ABCC4: variants seen among roughly 807,000 people sequenced by gnomAD.
ABCC4 encodes ATP binding cassette subfamily C member 4 (PEL blood group).
ABCC4 carries 102 observed loss-of-function variants against 168.5 expected under a neutral mutation model. The observed-to-expected ratio is 0.61, with a 90% CI of 0.52 to 0.71. ABCC4 has a LOEUF of 0.71. Ranked by LOEUF, ABCC4 falls within the 30% of genes least tolerant of loss-of-function variation. The pLI is 0.00. For synonymous variants in ABCC4, 617 were observed against 590.7 expected (o/e 1.04, Z -0.65); for missense variants, 1,402 against 1,605.8 (o/e 0.87, Z 2.17).
intron 4 of ABCC4, among the ~76,000 whole-genome samples, chr13:95,224,397 G>A (rs542681612): frequency 9.7e-4 from 148 of 152,156 alleles, no homozygotes; most frequent in African/African-American, 3.2e-3. Flanking sequence ...AATTTGTTCA[G>A]ATTAAAGAAC....
chr13:95,207,702 T>C, intron 7 of ABCC4, 98 bp downstream of exon 7: 4 of 1,332,478 alleles, frequency 3.0e-6, no homozygotes, highest in Non-Finnish European at 4.1e-6. Context: ...GTACTGAACT[T>C]CCCATAATGT....
At chr13:95,234,922 G>C in intron 3 of ABCC4, 88 bp from the exon 4 acceptor site, 3 of 966,974 alleles carry the variant, frequency 3.1e-6, no homozygotes, top group Non-Finnish European at 4.5e-6. Context: ...GATATTGCTT[G>C]CTCTGTCACC....
chr13:95,156,988 A>G (rs2036882253), intron 19 of ABCC4, among the ~76,000 whole-genome samples: 1 of 151,882 alleles, frequency 6.6e-6, no homozygotes, highest in South Asian at 2.1e-4. Context: ...GCTACTCGGG[A>G]GGCTGAGGCA....
chr13:95,237,161 C>A (rs911809253), intron 3 of ABCC4, among the ~76,000 whole-genome samples: 1 of 152,294 alleles, frequency 6.6e-6, no homozygotes, highest in South Asian at 2.1e-4. Flanking sequence ...AAAGAGAATG[C>A]AAAAGGCAGG....
intron 19 of ABCC4, among the ~76,000 whole-genome samples, chr13:95,118,859 C>G (rs1291550758): frequency 6.6e-6 from 1 of 152,156 alleles, no homozygotes; most frequent in African/African-American, 2.4e-5. Context: ...GCTGATTCTG[C>G]CCTTACAACC....
At chr13:95,196,064 G>A (rs1206501601) in intron 8 of ABCC4, among the ~76,000 whole-genome samples, 1 of 152,120 alleles carries the variant, frequency 6.6e-6, no homozygotes, top group African/African-American at 2.4e-5. Context: ...ACAAAGTCCT[G>A]TTAACCATAA....
intron 15 of ABCC4, among the ~76,000 whole-genome samples, chr13:95,165,437 T>C (rs1416186363): frequency 6.6e-6 from 1 of 152,226 alleles, no homozygotes; most frequent in Non-Finnish European, 1.5e-5. Context: ...TCAGGGTTTG[T>C]GTGGCAAGGA....
chr13:95,132,068 T>C (rs1024356878), intron 19 of ABCC4, among the ~76,000 whole-genome samples: 3 of 152,140 alleles, frequency 2.0e-5, no homozygotes, highest in African/African-American at 7.2e-5. Flanking sequence ...CAATAACAAA[T>C]GAATGGATAA....
At chr13:95,110,981 GA>G (rs2035184097) in intron 20 of ABCC4, among the ~76,000 whole-genome samples, 3 of 52,448 alleles carry the variant, frequency 5.7e-5, no homozygotes, top group Admixed American at 2.3e-4. Context: ...AAAAAAAAAA[GA>G]AAGAAAAAAA....
At chr13:95,230,704 G>A (rs1205992522) in intron 4 of ABCC4, among the ~76,000 whole-genome samples, 2 of 152,232 alleles carry the variant, frequency 1.3e-5, no homozygotes, top group Non-Finnish European at 1.5e-5. Context: ...GAACCCAGGA[G>A]GCAGAGGTTG....
rs191016703 is a variant in ABCC4 at position 95,269,650 on chromosome 13, A to G, written c.75-21897T>C. 2.6e-5 allele frequency among the ~76,000 whole-genome samples: 4 copies of G among 152,202 alleles called. No individual in the cohort carries two copies. The East Asian group carries it at 7.7e-4, about 29-fold the overall frequency. Reference sequence around the variant, plus strand: ...AACCTTATAATTTATTATCCACGTTACACATTTGTTTGTATAATATTCTGT... The same window carrying G: ...AACCTTATAATTTATTATCCACGTTGCACATTTGTTTGTATAATATTCTGT... On this transcript the variant is annotated intron_variant, in intron 1 of 30. Coordinates refer to ENST00000645237, the MANE Select transcript of ABCC4 (RefSeq NM_005845.5).
intron 21 of ABCC4, among the ~76,000 whole-genome samples, chr13:95,078,425 ACAAAAG>A (rs67289889): frequency 0.64 from 97,377 of 151,508 alleles, 32,980 homozygotes; most frequent in South Asian, 0.78. Flanking sequence ...AAAAACAAAA[ACAAAAG>A]CAAGAAAACA....
chr13:95,299,785 G>A (rs2041628226), intron 1 of ABCC4, among the ~76,000 whole-genome samples: 1 of 152,040 alleles, frequency 6.6e-6, no homozygotes, highest in Admixed American at 6.6e-5. Context: ...ATCCAAGTGA[G>A]ATTGAAGCCC....
chr13:95,079,514 A>T (rs1751051), intron 21 of ABCC4, among the ~76,000 whole-genome samples: 89,253 of 152,006 alleles, frequency 0.59, 27,333 homozygotes, highest in South Asian at 0.76. Context: ...TCCTTGACAG[A>T]GGGAAAAACA....
intron 9 of ABCC4, among the ~76,000 whole-genome samples, chr13:95,189,104 T>A (rs1251410954): frequency 6.7e-6 from 1 of 148,224 alleles, no homozygotes; most frequent in Non-Finnish European, 1.5e-5. Context: ...TGTCCATGTG[T>A]TCTCATTTAA....
At chr13:95,134,909 CTGAT>C (rs1594157986) in intron 19 of ABCC4, among the ~76,000 whole-genome samples, 1 of 152,072 alleles carries the variant, frequency 6.6e-6, no homozygotes, top group Non-Finnish European at 1.5e-5. Flanking sequence ...TGCAACTGAT[CTGAT>C]TAAGTCTGAA....
chr13:95,221,466 C>T (rs1465418374), intron 4 of ABCC4, among the ~76,000 whole-genome samples: 3 of 152,002 alleles, frequency 2.0e-5, no homozygotes, highest in Middle Eastern at 3.2e-3. Flanking sequence ...AAGGCTCAAG[C>T]GATCCAGCCA....
chr13:95,081,929 G>A (rs979494333), intron 21 of ABCC4, among the ~76,000 whole-genome samples: 1 of 152,184 alleles, frequency 6.6e-6, no homozygotes, highest in Non-Finnish European at 1.5e-5. Flanking sequence ...GAACCCAGGA[G>A]GTGGAGGCTG....
chr13:95,162,130 G>C (rs2037118618), intron 18 of ABCC4, among the ~76,000 whole-genome samples: 1 of 152,146 alleles, frequency 6.6e-6, no homozygotes, highest in African/African-American at 2.4e-5. Flanking sequence ...TCTGAAAGCA[G>C]CTCAAATTCC....
Sources: allele counts gnomAD v4.1 joint callset (sites outside exome capture counted in the v4.1 genomes callset), GRCh38; gene constraint gnomAD v4.1.1; transcripts MANE v1.5; gene names NCBI Gene and HGNC (gene_info 2026-07-23, HGNC 2026-07-21).